ABCB11: variants seen among roughly 807,000 people sequenced by gnomAD.
The protein encoded by ABCB11 is ATP binding cassette subfamily B member 11.
In ABCB11, 95 loss-of-function variants were observed where a neutral mutation model predicts 148.0. The observed-to-expected ratio is 0.64, with a 90% CI of 0.54 to 0.76. The LOEUF is 0.76. Among genes scored for constraint, ABCB11 ranks in the 30% least tolerant of loss-of-function variants. ABCB11 has a pLI of 0.00. For missense variants in ABCB11, 1,523 were observed against 1,617.8 expected (o/e 0.94, Z 1.01); for synonymous variants, 591 against 555.4 (o/e 1.06, Z -0.90).
chr2:168,997,150 G>A (rs542465731), intron 5 of ABCB11, among the ~76,000 whole-genome samples: 1 of 152,124 alleles, frequency 6.6e-6, no homozygotes, highest in African/African-American at 2.4e-5. Context: ...AGCCAGACAG[G>A]CTGTCTGAAA....
intron 13 of ABCB11, 96 bp from the exon 14 acceptor site, chr2:168,972,146 G>A: frequency 9.0e-7 from 1 of 1,105,648 alleles, no homozygotes; most frequent in South Asian, 1.4e-5. Flanking sequence ...AGAAAAAATA[G>A]AGGCCAATAA....
chr2:168,962,529 A>C (rs1393629289), intron 18 of ABCB11, among the ~76,000 whole-genome samples: 3 of 151,614 alleles, frequency 2.0e-5, no homozygotes, highest in African/African-American at 7.3e-5. Context: ...GAACAACAAC[A>C]ATGAAAAAGT....
At chr2:168,971,197 T>C (rs10196984) in intron 14 of ABCB11, among the ~76,000 whole-genome samples, 86,699 of 151,552 alleles carry the variant, frequency 0.57, 25,047 homozygotes, top group East Asian at 0.75. Flanking sequence ...ATAATATTAG[T>C]TGCTCAACAG....
intron 5 of ABCB11, among the ~76,000 whole-genome samples, chr2:168,998,258 A>C (rs560391302): frequency 6.6e-6 from 1 of 152,106 alleles, no homozygotes; most frequent in East Asian, 1.9e-4. Context: ...TTGTCCAAAC[A>C]TTTTACTTAG....
At chr2:169,008,936 A>G (rs541922696) in intron 5 of ABCB11, among the ~76,000 whole-genome samples, 13 of 152,362 alleles carry the variant, frequency 8.5e-5, no homozygotes, top group Admixed American at 7.8e-4. Context: ...TATTATATCC[A>G]TATAACGAAA....
intron 5 of ABCB11, among the ~76,000 whole-genome samples, chr2:168,998,413 A>G (rs1181663416): frequency 6.6e-6 from 1 of 152,016 alleles, no homozygotes; most frequent in Non-Finnish European, 1.5e-5. Context: ...ACAATAATAC[A>G]TTGACTATTT....
At chr2:169,021,473 C>T (rs1218846060) in intron 1 of ABCB11, among the ~76,000 whole-genome samples, 1 of 151,912 alleles carries the variant, frequency 6.6e-6, no homozygotes, top group African/African-American at 2.4e-5. Context: ...GAAGACAAAT[C>T]AATTATTGGA....
At chr2:168,960,465 T>C (rs1422798698) in intron 18 of ABCB11, among the ~76,000 whole-genome samples, 2 of 151,714 alleles carry the variant, frequency 1.3e-5, no homozygotes, top group South Asian at 2.1e-4. Context: ...CCTGACATGA[T>C]AGAAATTTTC....
At position 168,957,975 on chromosome 2, in the gene ABCB11, G is replaced by C. The variant is rs774845820; in HGVS notation, c.2332C>G (p.Gln778Glu). ...AGCTGTGTACTTACCCCAAGAATCT[G>C]GCTGAATAAAAAGGCATACAAGGGT... is the stretch of plus-strand genomic sequence containing the variant. ...VTPLYAFLFS[Q>E]ILGTFSIPDK... is the part of the protein sequence containing the mutation. The change falls in exon 19 of 28, where the codon CAG (glutamine) becomes GAG (glutamate). Residue 778 changes from glutamine to glutamate, a missense_variant. Gln to Glu is a conservative substitution (Grantham distance 29). Transcript: ENST00000650372. The C allele has an allele frequency of 2.7e-5, 42 of 1,578,350 alleles. No individual in the cohort carries two copies. The highest frequency in any genetic ancestry group is 3.5e-5 in the Non-Finnish European group (40 of 1,153,332).
chr2:168,971,139 G>A (rs559548650), intron 14 of ABCB11, among the ~76,000 whole-genome samples: 1 of 152,090 alleles, frequency 6.6e-6, no homozygotes, highest in Non-Finnish European at 1.5e-5. Flanking sequence ...TCTTGAGCAA[G>A]CTATTTGACC....
chr2:168,967,760 A>G (rs1034042413), intron 17 of ABCB11, among the ~76,000 whole-genome samples: 14 of 151,960 alleles, frequency 9.2e-5, no homozygotes, highest in Non-Finnish European at 1.9e-4. Context: ...TTCTTAATAC[A>G]GACTTGTAAC....
chr2:168,942,508 A>T (rs75155171), intron 21 of ABCB11, among the ~76,000 whole-genome samples: 1 of 188 alleles, frequency 5.3e-3, no homozygotes, highest in African/African-American at 9.3e-3. Flanking sequence ...CAAAGGGTGC[A>T]AAAAAAAAAA....
downstream of ABCB11, among the ~76,000 whole-genome samples, chr2:168,916,561 T>G (rs996164790): frequency 1.3e-5 from 2 of 152,230 alleles, no homozygotes; most frequent in Non-Finnish European, 2.9e-5. Flanking sequence ...GTGCATTGCT[T>G]TATTTACAGT....
intron 5 of ABCB11, among the ~76,000 whole-genome samples, chr2:169,005,749 T>C (rs1558922622): frequency 6.6e-6 from 1 of 152,310 alleles, no homozygotes; most frequent in East Asian, 1.9e-4. Context: ...AGTAAATATG[T>C]TAATTAGCTC....
chr2:168,961,007 C>A (rs1693048435), intron 18 of ABCB11, among the ~76,000 whole-genome samples: 1 of 151,698 alleles, frequency 6.6e-6, no homozygotes, highest in Non-Finnish European at 1.5e-5. Context: ...CTGTCAGCAG[C>A]TCCATAGTAG....
At position 168,972,151 on chromosome 2, in the gene ABCB11, C is replaced by T. The variant is rs1300911526; in HGVS notation, c.1435-101G>A. On this transcript the variant is annotated intron_variant, in intron 13 of 27. Transcript: ENST00000650372. ...ACCAATGGGCAGAAAAAATAGAGGCCAATAAGATTCTAATGGAAACAATTC... is the reference window on the plus strand; with the variant it reads ...ACCAATGGGCAGAAAAAATAGAGGCTAATAAGATTCTAATGGAAACAATTC... 3 of 1,005,312 alleles carry T rather than the reference C, an allele frequency of 3.0e-6. No individual in the cohort carries two copies. The African/African-American group carries it at 4.9e-5, about 16-fold the overall frequency. 62.3% of individuals were successfully genotyped at this position (1,005,312 alleles called of 1,614,324 possible).
At chr2:168,970,624 A>G (rs528240061) in intron 14 of ABCB11, 1 of 314,402 alleles carries the variant, frequency 3.2e-6, no homozygotes, top group South Asian at 2.8e-5. Context: ...TATGAATAAA[A>G]GGTCAAACTA....
chr2:169,015,320 A>G (rs1248512137), intron 3 of ABCB11, among the ~76,000 whole-genome samples: 3 of 152,108 alleles, frequency 2.0e-5, no homozygotes, highest in African/African-American at 7.2e-5. Flanking sequence ...TTGTGAATGG[A>G]TACCAACACA....
chr2:168,930,505 G>A (rs1217082174), intron 25 of ABCB11, among the ~76,000 whole-genome samples, 160 bp downstream of exon 25: 1 of 152,244 alleles, frequency 6.6e-6, no homozygotes, highest in African/African-American at 2.4e-5. Flanking sequence ...GTAGAATCAG[G>A]TGAAGCAGCA....
Sources: allele counts gnomAD v4.1 joint callset (sites outside exome capture counted in the v4.1 genomes callset), GRCh38; gene constraint gnomAD v4.1.1; transcripts MANE v1.5; gene names NCBI Gene and HGNC (gene_info 2026-07-23, HGNC 2026-07-21).